TEX9: variants seen among roughly 807,000 people sequenced by gnomAD.
TEX9 encodes testis expressed 9.
In TEX9, 74 loss-of-function variants were observed where a neutral mutation model predicts 59.6. The observed-to-expected ratio is 1.24, with a 90% CI of 1.03 to 1.51. The LOEUF (loss-of-function observed/expected upper bound fraction) is 1.51. Among genes scored for constraint, TEX9 ranks in the 40% most tolerant of loss-of-function variants. The probability of loss-of-function intolerance (pLI) is 0.00; values close to 1 mark genes in which losing one functional copy is unlikely to be tolerated. For synonymous variants in TEX9, 186 were observed against 152.2 expected (o/e 1.22, Z -1.64); for missense variants, 522 against 447.8 (o/e 1.17, Z -1.49).
At chr15:56,331,364 A>G (rs573394036) in intron 1 of TEX9, among the ~76,000 whole-genome samples, 23 of 152,368 alleles carry the variant, frequency 1.5e-4, no homozygotes, top group African/African-American at 4.3e-4. Context: ...TCTTCTCCTC[A>G]GCACATAAAT....
chr15:56,459,504 T>G, the TEX9 span, among the ~76,000 whole-genome samples: 9 of 152,206 alleles, frequency 5.9e-5, no homozygotes, highest in African/African-American at 2.2e-4. Context: ...CACCTAGATT[T>G]CTGACTTGCA....
chr15:56,278,689 C>T (rs1361762222), intron 1 of TEX9, among the ~76,000 whole-genome samples: 1 of 152,138 alleles, frequency 6.6e-6, no homozygotes, highest in Non-Finnish European at 1.5e-5. Context: ...AACTTTTCCA[C>T]TTTCCCCACA....
intron 12 of TEX9, among the ~76,000 whole-genome samples, chr15:56,438,307 T>C (rs567618670): frequency 6.6e-6 from 1 of 152,010 alleles, no homozygotes; most frequent in African/African-American, 2.4e-5. Flanking sequence ...TCAGAAATAG[T>C]ACCACACATC....
intron 1 of TEX9, among the ~76,000 whole-genome samples, chr15:56,327,544 C>G (rs578211623): frequency 1.3e-5 from 2 of 152,266 alleles, no homozygotes; most frequent in African/African-American, 4.8e-5. Flanking sequence ...AACCAAAAAT[C>G]AAGCGAGTAC....
intron 4 of TEX9, 133 bp from the exon 5 acceptor site, chr15:56,388,339 G>T: frequency 1.6e-6 from 1 of 634,682 alleles, no homozygotes; most frequent in Non-Finnish European, 2.7e-6. Context: ...AAATTAACAT[G>T]TGGGTAACTA....
At chr15:56,326,805 A>G (rs923141460) in intron 1 of TEX9, among the ~76,000 whole-genome samples, 6 of 152,164 alleles carry the variant, frequency 3.9e-5, no homozygotes, top group Non-Finnish European at 5.9e-5. Flanking sequence ...ATGCAGAGCT[A>G]TATTCCACAA....
chr15:56,449,946 G>A (rs1016867623), downstream of TEX9, among the ~76,000 whole-genome samples: 3 of 152,038 alleles, frequency 2.0e-5, no homozygotes, highest in Non-Finnish European at 2.9e-5. Flanking sequence ...CTTTTACTCT[G>A]TCATCCCTAC....
chr15:56,333,477 T>TAAAAA (rs35539808), intron 1 of TEX9, among the ~76,000 whole-genome samples: 1,767 of 142,212 alleles, frequency 0.012, 16 homozygotes, highest in East Asian at 0.021. Context: ...TCCTTCATGA[T>TAAAAA]AAAAAAAAAA....
chr15:56,364,466 C>CTTTTTTTTTTTTTT (rs55845567), upstream of TEX9, among the ~76,000 whole-genome samples: 1 of 139,606 alleles, frequency 7.2e-6, no homozygotes. Flanking sequence ...TTTTTCTTTT[C>CTTTTTTTTTTTTTT]TTTTTTTTTT....
chr15:56,257,198 T>G (rs1173635833), intron 1 of TEX9, among the ~76,000 whole-genome samples: 1 of 152,174 alleles, frequency 6.6e-6, no homozygotes, highest in Non-Finnish European at 1.5e-5. Context: ...TTGATGGGCA[T>G]CTAGTTGATT....
chr15:56,396,426 C>T (rs1454948416), intron 9 of TEX9: 1 of 152,074 alleles, frequency 6.6e-6, no homozygotes, highest in Non-Finnish European at 1.5e-5. Flanking sequence ...CCATCAGCCC[C>T]CCAAAATTCC....
chr15:56,316,527 G>A (rs1378218129), intron 1 of TEX9, among the ~76,000 whole-genome samples: 1 of 150,908 alleles, frequency 6.6e-6, no homozygotes, highest in Non-Finnish European at 1.5e-5. Flanking sequence ...CCAGCTGCGT[G>A]CTGGGAGAAC....
At chr15:56,401,739 CT>C (rs1334915935) in intron 9 of TEX9, among the ~76,000 whole-genome samples, 1 of 152,166 alleles carries the variant, frequency 6.6e-6, no homozygotes, top group Non-Finnish European at 1.5e-5. Context: ...AAGTAAAGCA[CT>C]CCTCAGCAAA....
chr15:56,275,611 T>A (rs2044648844), intron 1 of TEX9, among the ~76,000 whole-genome samples: 1 of 152,354 alleles, frequency 6.6e-6, no homozygotes, highest in Admixed American at 6.5e-5. Context: ...TCTGCCTAGG[T>A]GAGCCAGCCT....
chr15:56,440,405 G>A (rs1402555696), intron 12 of TEX9, among the ~76,000 whole-genome samples: 2 of 152,166 alleles, frequency 1.3e-5, no homozygotes, highest in Non-Finnish European at 2.9e-5. Flanking sequence ...AAATCACTTT[G>A]GCAGTCTGTT....
At chr15:56,320,131 C>T (rs1279385803) in intron 1 of TEX9, among the ~76,000 whole-genome samples, 6 of 152,186 alleles carry the variant, frequency 3.9e-5, no homozygotes, top group African/African-American at 1.2e-4. Context: ...CTTTTAAACT[C>T]TCATTTTATT....
At chr15:56,391,546 A>C in intron 7 of TEX9, 128 bp downstream of exon 7, 1 of 592,968 alleles carries the variant, frequency 1.7e-6, no homozygotes, top group Non-Finnish European at 2.6e-6. Context: ...AGAATTATCT[A>C]GTAGGATGTG....
chr15:56,437,845 A>G (rs2050754554), intron 12 of TEX9, among the ~76,000 whole-genome samples: 1 of 152,126 alleles, frequency 6.6e-6, no homozygotes, highest in Non-Finnish European at 1.5e-5. Context: ...GAGCCAAATC[A>G]TGAGTGAACT....
intron 1 of TEX9, among the ~76,000 whole-genome samples, chr15:56,348,990 A>G (rs1460298875): frequency 5.3e-5 from 8 of 151,780 alleles, no homozygotes; most frequent in African/African-American, 1.9e-4. Flanking sequence ...TTCACTAACC[A>G]TTTCCTTGTC....
Sources: allele counts gnomAD v4.1 joint callset (sites outside exome capture counted in the v4.1 genomes callset), GRCh38; gene constraint gnomAD v4.1.1; transcripts MANE v1.5; gene names NCBI Gene and HGNC (gene_info 2026-07-23, HGNC 2026-07-21).